MTBP: variants seen among roughly 807,000 people sequenced by gnomAD.
MTBP encodes MDM2 binding protein.
In MTBP, 101 loss-of-function variants were observed where a neutral mutation model predicts 117.0. That is an observed-to-expected ratio of 0.86 (90% CI 0.73 to 1.02). MTBP has a LOEUF of 1.02. Among genes scored for constraint, MTBP ranks in the 50% least tolerant of loss-of-function variants. The pLI is 0.00. For missense variants in MTBP, 970 were observed against 1,030.9 expected, an observed-to-expected ratio of 0.94 and a Z score of 0.81; for synonymous variants, 350 against 351.5, an observed-to-expected ratio of 1.00 and a Z score of 0.05.
chr8:120,467,488 T>C (rs1022089260), intron 10 of MTBP, among the ~76,000 whole-genome samples: 1 of 152,044 alleles, frequency 6.6e-6, no homozygotes, highest in Non-Finnish European at 1.5e-5. Context: ...CGTGGTGGCA[T>C]GCGCCTACTT....
In MTBP at chr8:120,506,762, G is replaced by A. The variant is rs141739990; in HGVS notation, c.1784G>A (p.Arg595Gln). 4.8e-4 allele frequency: 773 copies of A among 1,613,134 alleles called. 5 individuals are homozygous for A. The African/African-American group carries it at 8.9e-3, about 19-fold the overall frequency. Residue 595 changes from arginine to glutamine, a missense_variant, in exon 16 of 22, where the codon CGG becomes CAG. Transcript: ENST00000305949. ...EQLLGHKEGPRDSITLLDAKE... is the reference protein window; with the variant it reads ...EQLLGHKEGPQDSITLLDAKE... ...TTGCTGGGCCACAAAGAGGGTCCTC[G>A]GGACTCAATCACATTGTTGGATGCT...
chr8:120,461,956 C>G (rs1813589776), intron 9 of MTBP, among the ~76,000 whole-genome samples: 1 of 152,114 alleles, frequency 6.6e-6, no homozygotes, highest in Non-Finnish European at 1.5e-5. Flanking sequence ...AAGTTCTTTG[C>G]TGCAGAAAAG....
chr8:120,452,888 A>G (rs1813388884), intron 4 of MTBP: 2 of 151,930 alleles, frequency 1.3e-5, no homozygotes, highest in Admixed American at 6.6e-5. Context: ...GTGACCTAAT[A>G]ATTATTTCCA....
chr8:120,451,551 C>CA (rs1813346878), intron 4 of MTBP: 1 of 421,908 alleles, frequency 2.4e-6, no homozygotes, highest in Non-Finnish European at 4.2e-6. Flanking sequence ...TTTTAATAAA[C>CA]ATGTTCCTTT....
chr8:120,450,191 A>T (rs888718559), intron 2 of MTBP, among the ~76,000 whole-genome samples: 1 of 152,168 alleles, frequency 6.6e-6, no homozygotes, highest in Non-Finnish European at 1.5e-5. Flanking sequence ...ATAACATTGA[A>T]TTAGAAGGAC....
chr8:120,518,372 A>G lies in MTBP; in HGVS notation c.2496+272A>G, dbSNP rs557326160. Reference sequence around the variant, plus strand: ...CGTGTCAAATATTCTCTACTTTTCTATGCTTGAAATTTCCCATAATAAAAA... The same window carrying G: ...CGTGTCAAATATTCTCTACTTTTCTGTGCTTGAAATTTCCCATAATAAAAA... On this transcript the variant is annotated intron_variant, in intron 19 of 21. Transcript: ENST00000305949. 3.9e-5 allele frequency among the ~76,000 whole-genome samples: 6 copies of G among 152,096 alleles called. No homozygotes were observed. In the East Asian group the frequency reaches 1.2e-3, roughly 29 times the overall value.
At chr8:120,469,351 G>T (rs1813770349) in intron 10 of MTBP, among the ~76,000 whole-genome samples, 1 of 152,098 alleles carries the variant, frequency 6.6e-6, no homozygotes. Flanking sequence ...TGGCCTTATT[G>T]AGCTTTCTAA....
chr8:120,466,725 T>C (rs1024617066), intron 10 of MTBP, among the ~76,000 whole-genome samples: 2 of 151,622 alleles, frequency 1.3e-5, no homozygotes, highest in Non-Finnish European at 2.9e-5. Flanking sequence ...ATACAAAAAA[T>C]TAGCCGGGCA....
chr8:120,471,301 G>T, intron 11 of MTBP: 1 of 159,670 alleles, frequency 6.3e-6, no homozygotes, highest in Non-Finnish European at 1.4e-5. Context: ...ATTAGTAGAA[G>T]TTATTTATTT....
At chr8:120,474,173 A>G (rs1813884872) in intron 11 of MTBP, among the ~76,000 whole-genome samples, 1 of 152,044 alleles carries the variant, frequency 6.6e-6, no homozygotes, top group Non-Finnish European at 1.5e-5. Context: ...GAATAATAAT[A>G]AGACACAGAT....
At chr8:120,472,099 G>T (rs1250900405) in intron 11 of MTBP, 1 of 151,994 alleles carries the variant, frequency 6.6e-6, no homozygotes, top group Non-Finnish European at 1.5e-5. Context: ...AATGTGATGG[G>T]ACTAAGAACT....
At chr8:120,458,353 G>A (rs1390253941) in intron 7 of MTBP, among the ~76,000 whole-genome samples, 6 of 152,070 alleles carry the variant, frequency 3.9e-5, no homozygotes, top group Admixed American at 1.3e-4. Context: ...AGTTCCTATC[G>A]CATAGATTTT....
At chr8:120,459,837 T>G (rs1046565964) in intron 8 of MTBP, among the ~76,000 whole-genome samples, 1 of 152,204 alleles carries the variant, frequency 6.6e-6, no homozygotes, top group African/African-American at 2.4e-5. Context: ...TGTGACATAG[T>G]ACCTGACATA....
rs1028999616 is a variant in MTBP at position 120,497,542 on chromosome 8, A to G, written c.1597A>G (p.Asn533Asp). ...AAAGATGGACAAAATTAAAACCTTC[A>G]ATATATTAAATGGTAAGTTTTTTAT... ...LRKMDKIKTF[N>D]ILNDFSPVEP... The change falls in exon 14 of 22, where the codon AAT (asparagine) becomes GAT (aspartate). Residue 533 changes from asparagine to aspartate, a missense_variant. Physicochemically the swap from Asn to Asp is conservative, Grantham distance 23. Coordinates refer to ENST00000305949, the MANE Select transcript of MTBP (RefSeq NM_022045.5). 2 of 1,494,720 alleles carry G rather than the reference A, an allele frequency of 1.3e-6. No individual in the cohort carries two copies. The highest frequency in any genetic ancestry group is 1.4e-5 in the African/African-American group (1 of 70,750). The allele number at this position is 1,494,720 out of a possible 1,614,324, so 92.6% of individuals were successfully genotyped here.
intron 2 of MTBP, among the ~76,000 whole-genome samples, chr8:120,449,822 C>G (rs902885913): frequency 2.0e-5 from 3 of 152,094 alleles, no homozygotes; most frequent in African/African-American, 7.2e-5. Context: ...CTAAAAACCG[C>G]TAGATTTAGT....
At chr8:120,519,006 G>C (rs1215796175) in intron 20 of MTBP, among the ~76,000 whole-genome samples, 189 bp downstream of exon 20, 1 of 151,938 alleles carries the variant, frequency 6.6e-6, no homozygotes, top group Non-Finnish European at 1.5e-5. Context: ...CTCATATATA[G>C]AAAGCTACAT....
At chr8:120,453,781 C>A in intron 4 of MTBP, 66 bp from the exon 5 acceptor site, 1 of 686,516 alleles carries the variant, frequency 1.5e-6, no homozygotes, top group Non-Finnish European at 2.4e-6. Flanking sequence ...GTTAATATTA[C>A]CTATTATGAT....
intron 13 of MTBP, among the ~76,000 whole-genome samples, chr8:120,492,568 T>C (rs774335869): frequency 1.3e-5 from 2 of 152,188 alleles, no homozygotes; most frequent in Non-Finnish European, 2.9e-5. Flanking sequence ...ACAAAATTTG[T>C]TCAAAAAGAT....
intron 14 of MTBP, among the ~76,000 whole-genome samples, chr8:120,501,048 G>A (rs1018454296): frequency 1.3e-5 from 2 of 151,982 alleles, no homozygotes; most frequent in Admixed American, 6.6e-5. Context: ...AAAATTAGCC[G>A]GGCGTGGTGG....
Sources: allele counts gnomAD v4.1 joint callset (sites outside exome capture counted in the v4.1 genomes callset), GRCh38; gene constraint gnomAD v4.1.1; transcripts MANE v1.5; gene names NCBI Gene and HGNC (gene_info 2026-07-23, HGNC 2026-07-21).